The following NT5C2 variants were observed in gnomAD, a reference collection of about 807,000 sequenced individuals.
The protein encoded by NT5C2 is 5'-nucleotidase, cytosolic II, also known as cytosolic purine 5'-nucleotidase.
Under a neutral mutation model 76.1 loss-of-function variants are expected in NT5C2, and 58 were observed. The observed-to-expected ratio is 0.76, with a 90% CI of 0.62 to 0.95. The LOEUF (loss-of-function observed/expected upper bound fraction) is 0.95. Ranked by LOEUF, NT5C2 falls within the 40% of genes least tolerant of loss-of-function variation. NT5C2 has a pLI of 0.00. For synonymous variants in NT5C2, 229 were observed against 237.4 expected (o/e 0.96, Z 0.32); for missense variants, 478 against 690.3 (o/e 0.69, Z 3.45).
intron 3 of NT5C2, 89 bp downstream of exon 3, chr10:103,174,769 T>C: frequency 3.4e-6 from 3 of 888,988 alleles, no homozygotes; most frequent in South Asian, 2.7e-5. Context: ...GTTATTTACT[T>C]AACCTCTCTG....
chr10:103,093,407 TATATG>T, intron 14 of NT5C2, 98 bp from the exon 15 acceptor site: 1 of 1,072,798 alleles, frequency 9.3e-7, no homozygotes, highest in Non-Finnish European at 1.3e-6. Flanking sequence ...ATTTTATTCT[TATATG>T]AGGAACAGAC....
chr10:103,091,251 G>GCTGGTCTCAAACTT (rs1193627589), intron 16 of NT5C2, among the ~76,000 whole-genome samples: 2 of 152,156 alleles, frequency 1.3e-5, no homozygotes, highest in Non-Finnish European at 2.9e-5. Flanking sequence ...TGTTGGTCAG[G>GCTGGTCTCAAACTT]CTGGTCTCAA....
At chr10:103,091,958 A>G (rs979062456) in intron 15 of NT5C2, among the ~76,000 whole-genome samples, 2 of 152,256 alleles carry the variant, frequency 1.3e-5, no homozygotes, top group African/African-American at 4.8e-5. Context: ...AAATGTTAAC[A>G]GTCCCATTTT....
intron 1 of NT5C2, among the ~76,000 whole-genome samples, chr10:103,189,048 T>C (rs988361974): frequency 6.8e-6 from 1 of 147,876 alleles, no homozygotes; most frequent in African/African-American, 2.5e-5. Context: ...TTGTACTATG[T>C]GCTTGGAAAG....
chr10:103,110,518 A>AT (rs34549427), intron 4 of NT5C2, among the ~76,000 whole-genome samples: 7,432 of 152,290 alleles, frequency 0.049, 253 homozygotes, highest in Middle Eastern at 0.078. Flanking sequence ...CAAAAAGTGA[A>AT]TTTCTAGATT....
Position 103,101,029 on chromosome 10 carries a change from T to G in NT5C2, c.539+16A>C, listed in dbSNP as rs370182596. 15 of 1,338,918 alleles carry G rather than the reference T, an allele frequency of 1.1e-5. No individual in the cohort carries two copies. In the African/African-American group the frequency reaches 2.0e-4, roughly 18 times the overall value. The allele number at this position is 1,338,918 out of a possible 1,614,324, so 82.9% of individuals were successfully genotyped here. On this transcript the variant is annotated intron_variant, in intron 8 of 18. Transcript: ENST00000404739. Reference sequence around the variant, plus strand: ...TAAAAATCAATTGGAAAAAAATAATTATAGTATATACATACCTGGTATATC... The same window carrying G: ...TAAAAATCAATTGGAAAAAAATAATGATAGTATATACATACCTGGTATATC...
At chr10:103,165,574 CTT>C (rs35898850) in intron 3 of NT5C2, among the ~76,000 whole-genome samples, 14,416 of 109,358 alleles carry the variant, frequency 0.13, 875 homozygotes, top group Non-Finnish European at 0.17. Context: ...CCACCTGTGG[CTT>C]TTTTTTTTTT....
chr10:103,153,626 G>C, intron 3 of NT5C2: 1 of 985,332 alleles, frequency 1.0e-6, no homozygotes, highest in Non-Finnish European at 1.2e-6. Context: ...GACAGGAATC[G>C]TTACTGGCAA....
At chr10:103,149,717 AT>A (rs2082082839) in intron 3 of NT5C2, among the ~76,000 whole-genome samples, 2 of 152,248 alleles carry the variant, frequency 1.3e-5, no homozygotes, top group African/African-American at 4.8e-5. Flanking sequence ...AGAAGAAAAT[AT>A]GGTTATCCAT....
At chr10:103,123,437 G>A (rs2076076303) in intron 4 of NT5C2, among the ~76,000 whole-genome samples, 1 of 152,088 alleles carries the variant, frequency 6.6e-6, no homozygotes, top group Non-Finnish European at 1.5e-5. Context: ...TGCACAGAGG[G>A]ATCTCGAACT....
intron 14 of NT5C2, 131 bp from the exon 15 acceptor site, chr10:103,093,440 G>T: frequency 1.3e-6 from 1 of 785,148 alleles, no homozygotes; most frequent in Non-Finnish European, 1.8e-6. Context: ...AATAGACAAA[G>T]ACTCACCATT....
At chr10:103,102,144 G>A (rs2069875114) in intron 6 of NT5C2, among the ~76,000 whole-genome samples, 3 of 152,086 alleles carry the variant, frequency 2.0e-5, no homozygotes, top group African/African-American at 7.2e-5. Flanking sequence ...AATTCTTCCT[G>A]TCTCTTTGTG....
At chr10:103,188,193 T>C (rs2092274202) in intron 1 of NT5C2, among the ~76,000 whole-genome samples, 1 of 151,696 alleles carries the variant, frequency 6.6e-6, no homozygotes, top group East Asian at 1.9e-4. Context: ...CCATCTCCAC[T>C]AAAAATACAA....
chr10:103,125,715 C>T (rs1424084901), intron 4 of NT5C2, among the ~76,000 whole-genome samples: 1 of 151,936 alleles, frequency 6.6e-6, no homozygotes, highest in South Asian at 2.1e-4. Context: ...GCCTATTTGC[C>T]ATTTGAAAAA....
chr10:103,148,712 A>G (rs1018985129), intron 3 of NT5C2, among the ~76,000 whole-genome samples: 1 of 152,210 alleles, frequency 6.6e-6, no homozygotes, highest in Non-Finnish European at 1.5e-5. Flanking sequence ...CTTATAAAAT[A>G]AAACATGAAA....
chr10:103,183,291 A>ATATATATATATATATATATATATATC (rs1554841794), intron 1 of NT5C2, among the ~76,000 whole-genome samples: 1 of 128,146 alleles, frequency 7.8e-6, no homozygotes, highest in South Asian at 2.5e-4. Flanking sequence ...ATATATATAT[A>ATATATATATATATATATATATATATC]TATCACACAC....
chr10:103,117,069 T>A (rs940793184), intron 4 of NT5C2, among the ~76,000 whole-genome samples: 5 of 151,644 alleles, frequency 3.3e-5, no homozygotes, highest in African/African-American at 9.7e-5. Flanking sequence ...CTGAGAAAAA[T>A]TTTTAAATAA....
At chr10:103,172,085 C>T (rs913322136) in intron 3 of NT5C2, among the ~76,000 whole-genome samples, 1 of 151,836 alleles carries the variant, frequency 6.6e-6, no homozygotes, top group African/African-American at 2.4e-5. Context: ...TGGTGTGTGC[C>T]TGTAATCCCA....
intron 4 of NT5C2, among the ~76,000 whole-genome samples, chr10:103,124,692 AG>A: frequency 6.6e-6 from 1 of 152,044 alleles, no homozygotes; most frequent in East Asian, 1.9e-4. Flanking sequence ...ACTGAGACAT[AG>A]GTTAAGTAAC....
Sources: allele counts gnomAD v4.1 joint callset (sites outside exome capture counted in the v4.1 genomes callset), GRCh38; gene constraint gnomAD v4.1.1; transcripts MANE v1.5; gene names NCBI Gene and HGNC (gene_info 2026-07-23, HGNC 2026-07-21).